UBE2E2: variants seen among roughly 807,000 people sequenced by gnomAD.
UBE2E2 encodes the protein ubiquitin-conjugating enzyme E2 E2.
In UBE2E2, 6 loss-of-function variants were observed where a neutral mutation model predicts 24.7. The observed-to-expected ratio is 0.24, with a 90% CI of 0.13 to 0.48. UBE2E2 has a LOEUF of 0.48. Among genes scored for constraint, UBE2E2 ranks in the 20% least tolerant of loss-of-function variants. UBE2E2 has a pLI of 0.99. For missense variants in UBE2E2, 169 were observed against 245.0 expected (o/e 0.69, Z 2.07); for synonymous variants, 104 against 83.6 (o/e 1.24, Z -1.33).
intron 3 of UBE2E2, among the ~76,000 whole-genome samples, chr3:23,349,515 G>A (rs905424503): frequency 2.0e-5 from 3 of 152,168 alleles, no homozygotes; most frequent in African/African-American, 4.8e-5. Context: ...CTGGAAAATT[G>A]GGTCACTCCC....
At chr3:23,393,037 A>T (rs1696977458) in intron 3 of UBE2E2, among the ~76,000 whole-genome samples, 1 of 152,170 alleles carries the variant, frequency 6.6e-6, no homozygotes, top group South Asian at 2.1e-4. Flanking sequence ...GTGAAGGAAG[A>T]TTATCATAAA....
intron 3 of UBE2E2, among the ~76,000 whole-genome samples, chr3:23,264,360 AAAAG>A (rs1215855832): frequency 6.6e-6 from 1 of 152,032 alleles, no homozygotes; most frequent in African/African-American, 2.4e-5. Context: ...AAAAAACAAA[AAAAG>A]GAAAAGGAAA....
chr3:23,281,660 G>T (rs77252333), intron 3 of UBE2E2, among the ~76,000 whole-genome samples: 8 of 152,072 alleles, frequency 5.3e-5, no homozygotes, highest in African/African-American at 1.9e-4. Flanking sequence ...GGAGAAGGAG[G>T]AGAAACATGT....
chr3:23,450,356 G>C (rs1698536632), intron 3 of UBE2E2, among the ~76,000 whole-genome samples: 1 of 152,090 alleles, frequency 6.6e-6, no homozygotes, highest in Non-Finnish European at 1.5e-5. Flanking sequence ...TGTGGTTCTA[G>C]TACAACTGAA....
At chr3:23,331,161 A>G (rs1400314466) in intron 3 of UBE2E2, among the ~76,000 whole-genome samples, 1 of 152,204 alleles carries the variant, frequency 6.6e-6, no homozygotes. Context: ...GTCAGAATAC[A>G]TGTTTGGGTA....
chr3:23,512,942 A>T (rs1694641208), intron 4 of UBE2E2, among the ~76,000 whole-genome samples: 1 of 152,134 alleles, frequency 6.6e-6, no homozygotes, highest in African/African-American at 2.4e-5. Flanking sequence ...ACATACATGC[A>T]TACATACATA....
chr3:23,328,060 C>CATG (rs140638313), intron 3 of UBE2E2, among the ~76,000 whole-genome samples: 49,869 of 151,706 alleles, frequency 0.33, 8,354 homozygotes, highest in South Asian at 0.38. Context: ...GAGCAGTGGT[C>CATG]ATGATATATA....
At chr3:23,379,286 C>T (rs1440727995) in intron 3 of UBE2E2, among the ~76,000 whole-genome samples, 1 of 150,558 alleles carries the variant, frequency 6.6e-6, no homozygotes, top group Non-Finnish European at 1.5e-5. Context: ...GGTACATGTG[C>T]ACATTGTGCA....
chr3:23,467,590 G>A (rs925976256), intron 3 of UBE2E2, among the ~76,000 whole-genome samples: 10 of 152,114 alleles, frequency 6.6e-5, no homozygotes, highest in African/African-American at 2.4e-4. Context: ...TGCAGTGTTG[G>A]ACAGAATAAA....
At chr3:23,268,486 A>G (rs1698124458) in intron 3 of UBE2E2, among the ~76,000 whole-genome samples, 1 of 151,148 alleles carries the variant, frequency 6.6e-6, no homozygotes, top group South Asian at 2.1e-4. Flanking sequence ...CTAGGAATCC[A>G]ACTTACAAGG....
At chr3:23,257,317 C>G (rs1007256805) in intron 3 of UBE2E2, among the ~76,000 whole-genome samples, 1 of 152,180 alleles carries the variant, frequency 6.6e-6, no homozygotes, top group Non-Finnish European at 1.5e-5. Flanking sequence ...AGGACTAGCT[C>G]TTCACTGGTT....
intron 5 of UBE2E2, among the ~76,000 whole-genome samples, chr3:23,564,444 G>C (rs1486943742): frequency 6.6e-6 from 1 of 152,076 alleles, no homozygotes; most frequent in Non-Finnish European, 1.5e-5. Context: ...TGTAGTGCTT[G>C]TTACCATGTT....
In UBE2E2 at chr3:23,395,335, A is replaced by C. The variant is rs142099730; in HGVS notation, c.228-104273A>C. On this transcript the variant is annotated intron_variant, in intron 3 of 5. Transcript: ENST00000396703. ...AGCACCTAAAAATCCCCTGCTTTGCAGTGAAGGGTAAGATGAGAGAAACAG... is the reference window on the plus strand; with the variant it reads ...AGCACCTAAAAATCCCCTGCTTTGCCGTGAAGGGTAAGATGAGAGAAACAG... Among the ~76,000 whole-genome samples, 16 of 152,338 alleles carry C rather than the reference A, an allele frequency of 1.1e-4. No individual in the cohort carries two copies. The East Asian group carries it at 3.1e-3, about 29-fold the overall frequency.
At chr3:23,570,614 C>G (rs554647791) in intron 5 of UBE2E2, among the ~76,000 whole-genome samples, 1 of 152,286 alleles carries the variant, frequency 6.6e-6, no homozygotes, top group African/African-American at 2.4e-5. Flanking sequence ...CCAGCTGATT[C>G]TTCCAGAAAG....
Position 23,368,728 on chromosome 3 carries a change from T to G in UBE2E2, c.228-130880T>G, listed in dbSNP as rs776124320. On this transcript the variant is annotated intron_variant, in intron 3 of 5. Coordinates refer to ENST00000396703, the MANE Select transcript of UBE2E2 (RefSeq NM_152653.4). Reference sequence around the variant, plus strand: ...TCACAAATACTCCTTCTTCAGCAGATTTGAATCAAAATGGAATGGAAGATG... The same window carrying G: ...TCACAAATACTCCTTCTTCAGCAGAGTTGAATCAAAATGGAATGGAAGATG... Among the ~76,000 whole-genome samples the G allele has an allele frequency of 2.0e-5, 3 of 152,194 alleles. No homozygotes were observed. The South Asian group carries it at 6.2e-4, about 31-fold the overall frequency.
At chr3:23,299,018 A>G (rs770348124) in intron 3 of UBE2E2, among the ~76,000 whole-genome samples, 7 of 152,174 alleles carry the variant, frequency 4.6e-5, no homozygotes, top group African/African-American at 9.7e-5. Flanking sequence ...TAGTCTTGGG[A>G]GGATGTATAT....
chr3:23,496,576 A>C (rs914777276), intron 3 of UBE2E2, among the ~76,000 whole-genome samples: 1 of 152,098 alleles, frequency 6.6e-6, no homozygotes, highest in African/African-American at 2.4e-5. Context: ...TTTTTTATTA[A>C]ATGTATTTTT....
At chr3:23,467,872 TC>T (rs1369226942) in intron 3 of UBE2E2, among the ~76,000 whole-genome samples, 2 of 152,126 alleles carry the variant, frequency 1.3e-5, no homozygotes, top group African/African-American at 4.8e-5. Context: ...AGGAGGCACA[TC>T]TTCACATGGC....
chr3:23,520,158 A>G (rs1298746458), intron 4 of UBE2E2, among the ~76,000 whole-genome samples: 1 of 148,124 alleles, frequency 6.8e-6, no homozygotes, highest in African/African-American at 2.5e-5. Context: ...TGGGGTTTTC[A>G]TTTGTCTTTG....
Sources: gnomAD v4.1 joint callset for allele counts (sites outside exome capture counted in the v4.1 genomes callset) on GRCh38, gnomAD v4.1.1 for gene constraint, MANE v1.5 for transcripts, NCBI Gene and HGNC (gene_info 2026-07-23, HGNC 2026-07-21) for gene names.